The following VIT variants were observed in gnomAD, a reference collection of about 807,000 sequenced individuals.
VIT encodes the protein vitrin.
Under a neutral mutation model 78.0 loss-of-function variants are expected in VIT, and 99 were observed. The observed-to-expected ratio is 1.27, with a 90% CI of 1.08 to 1.50. The LOEUF (loss-of-function observed/expected upper bound fraction) is 1.50, where lower values mean the gene tolerates loss of function less well. Among genes scored for constraint, VIT ranks in the 40% most tolerant of loss-of-function variants. The pLI is 0.00. For synonymous variants in VIT, 374 were observed against 334.3 expected, an observed-to-expected ratio of 1.12 and a Z score of -1.29; for missense variants, 1,126 against 875.3, an observed-to-expected ratio of 1.29 and a Z score of -3.61.
chr2:36,780,875 A>G (rs929250654), intron 9 of VIT, among the ~76,000 whole-genome samples: 4 of 152,156 alleles, frequency 2.6e-5, no homozygotes, highest in African/African-American at 9.7e-5. Context: ...AGGGGCAGAA[A>G]GAAAGGGAAA....
intron 1 of VIT, among the ~76,000 whole-genome samples, chr2:36,704,397 C>G (rs934899773): frequency 1.3e-5 from 2 of 152,200 alleles, no homozygotes; most frequent in African/African-American, 4.8e-5. Context: ...TGGGCATGAA[C>G]TCTACACTTC....
intron 14 of VIT, among the ~76,000 whole-genome samples, chr2:36,807,452 G>A (rs1290890459): frequency 6.6e-6 from 1 of 152,190 alleles, no homozygotes; most frequent in Non-Finnish European, 1.5e-5. Context: ...CCAGAATTCA[G>A]CTCAAGCTCA....
chr2:36,746,750 A>G (rs916843550), intron 4 of VIT, among the ~76,000 whole-genome samples: 1 of 152,024 alleles, frequency 6.6e-6, no homozygotes, highest in African/African-American at 2.4e-5. Context: ...CAAAAAACAA[A>G]CTTTTGGTTT....
At chr2:36,751,701 G>C (rs1469136604) in intron 4 of VIT, among the ~76,000 whole-genome samples, 1 of 152,030 alleles carries the variant, frequency 6.6e-6, no homozygotes, top group Non-Finnish European at 1.5e-5. Flanking sequence ...TAAATGAGGG[G>C]AGAAGGGCAG....
At chr2:36,803,425 G>C (rs879236701) in intron 13 of VIT, among the ~76,000 whole-genome samples, 1 of 152,136 alleles carries the variant, frequency 6.6e-6, no homozygotes, top group Admixed American at 6.5e-5. Flanking sequence ...AATGTGTGTT[G>C]AGCACTATAC....
chr2:36,787,336 G>C (rs975309164), intron 12 of VIT, 60 bp downstream of exon 12: 1 of 1,564,094 alleles, frequency 6.4e-7, no homozygotes, highest in African/African-American at 1.4e-5. Flanking sequence ...TTAATTTTAT[G>C]CCACGTGCTT....
At chr2:36,703,257 C>G (rs1041386852) in intron 1 of VIT, among the ~76,000 whole-genome samples, 2 of 152,172 alleles carry the variant, frequency 1.3e-5, no homozygotes, top group African/African-American at 4.8e-5. Flanking sequence ...GATCAGAGAG[C>G]AAAAACTTCT....
At chr2:36,742,942 T>G (rs1667921264) in intron 3 of VIT, among the ~76,000 whole-genome samples, 158 bp from the exon 4 acceptor site, 1 of 152,222 alleles carries the variant, frequency 6.6e-6, no homozygotes, top group South Asian at 2.1e-4. Context: ...CTGGGAAATG[T>G]CTTAATTACA....
At chr2:36,706,139 T>C (rs959728689) in intron 1 of VIT, among the ~76,000 whole-genome samples, 3 of 152,198 alleles carry the variant, frequency 2.0e-5, no homozygotes, top group Admixed American at 6.5e-5. Context: ...ACCTTCTCAG[T>C]GGCTGCGACA....
At chr2:36,737,835 G>A (rs768187037) in intron 3 of VIT, among the ~76,000 whole-genome samples, 13 of 152,144 alleles carry the variant, frequency 8.5e-5, no homozygotes, top group Admixed American at 7.2e-4. Context: ...GACACCTGGC[G>A]CCAACACCAG....
intron 3 of VIT, among the ~76,000 whole-genome samples, chr2:36,731,818 T>C (rs929516574): frequency 3.3e-5 from 5 of 152,190 alleles, no homozygotes; most frequent in South Asian, 2.1e-4. Flanking sequence ...CATTCTGTGC[T>C]CTCCACAACT....
intron 4 of VIT, among the ~76,000 whole-genome samples, chr2:36,749,438 T>C (rs1371042837): frequency 1.3e-5 from 2 of 152,202 alleles, no homozygotes; most frequent in African/African-American, 4.8e-5. Flanking sequence ...TTGCTTAAGT[T>C]TATGGTCAAA....
chr2:36,699,579 G>A (rs770124460), intron 1 of VIT, among the ~76,000 whole-genome samples: 1 of 106,522 alleles, frequency 9.4e-6, no homozygotes, highest in African/African-American at 3.3e-5. Context: ...GATGATTAGA[G>A]GAGATTATAG....
At chr2:36,767,022 TA>T in intron 6 of VIT, 71 bp from the exon 7 acceptor site, 1 of 1,419,026 alleles carries the variant, frequency 7.0e-7, no homozygotes, top group East Asian at 2.7e-5. Flanking sequence ...AATCAACATT[TA>T]TTTTATTTCT....
intron 7 of VIT, among the ~76,000 whole-genome samples, chr2:36,769,285 T>C (rs1216969340): frequency 1.3e-5 from 2 of 152,226 alleles, no homozygotes; most frequent in East Asian, 3.8e-4. Flanking sequence ...TGTGGCATAT[T>C]TATTTGGCTA....
chr2:36,812,861 C>CT (rs5830441), intron 15 of VIT, among the ~76,000 whole-genome samples: 5,323 of 110,226 alleles, frequency 0.048, 153 homozygotes, highest in African/African-American at 0.079. Context: ...TTTTCTTCTT[C>CT]TTTTTTTTTT....
chr2:36,775,958 T>C (rs746676099), intron 9 of VIT, among the ~76,000 whole-genome samples: 4 of 152,200 alleles, frequency 2.6e-5, no homozygotes, highest in Admixed American at 1.3e-4. Flanking sequence ...GATGCAGTCA[T>C]GTATACAAGG....
intron 15 of VIT, among the ~76,000 whole-genome samples, chr2:36,810,515 A>ATAC (rs1352077427): frequency 1.3e-5 from 2 of 152,198 alleles, no homozygotes; most frequent in Non-Finnish European, 2.9e-5. Flanking sequence ...GATAATAATA[A>ATAC]TACTACTACT....
rs1245480637 is a variant in VIT at position 36,696,779 on chromosome 2, CAA to C, written c.-211_-210del. On this transcript the variant is annotated 5_prime_UTR_variant, in exon 1 of 16. It introduces an in-frame stop codon into an upstream open reading frame of the 5' UTR. Coordinates refer to ENST00000379242, the MANE Select transcript of VIT (RefSeq NM_053276.4). ...GGGGGGGGGTGTAAAATGTGTTTTT[CAA>C]AGTACTGAGAGGTTGATGGGACTGT... 1 of 151,490 alleles carries C rather than the reference CAA, an allele frequency of 6.6e-6. No homozygotes were observed. Among genetic ancestry groups the C allele is most frequent in the Non-Finnish European group, 1.5e-5 (1 of 67,956 alleles). The allele number at this position is 151,490 out of a possible 1,614,324, so 9.4% of individuals were successfully genotyped here. A position where few individuals can be genotyped will look rare whatever the true frequency, so the allele number is the denominator to read the frequency against.
Sources: allele counts gnomAD v4.1 joint callset (sites outside exome capture counted in the v4.1 genomes callset), GRCh38; gene constraint gnomAD v4.1.1; transcripts MANE v1.5; gene names NCBI Gene and HGNC (gene_info 2026-07-23, HGNC 2026-07-21).